GPC5: variants seen among roughly 807,000 people sequenced by gnomAD.
The protein encoded by GPC5 is glypican-5.
A neutral mutation model predicts 53.9 loss-of-function variants in GPC5; 47 were observed. That is an observed-to-expected ratio of 0.87 (90% confidence interval 0.69 to 1.11). The LOEUF (loss-of-function observed/expected upper bound fraction) is 1.11. GPC5 is among the 50% of genes most tolerant of loss of function. The pLI is 0.00. For synonymous variants in GPC5, 286 were observed against 263.3 expected, an observed-to-expected ratio of 1.09 and a Z score of -0.84; for missense variants, 748 against 713.1, an observed-to-expected ratio of 1.05 and a Z score of -0.56.
intron 5 of GPC5, among the ~76,000 whole-genome samples, chr13:91,845,743 C>T: frequency 6.6e-6 from 1 of 152,160 alleles, no homozygotes; most frequent in East Asian, 1.9e-4. Flanking sequence ...GTCTGAGTGC[C>T]TTTCCTGTAT....
chr13:91,503,072 G>A (rs73602379), intron 2 of GPC5, among the ~76,000 whole-genome samples: 1,901 of 152,062 alleles, frequency 0.013, 39 homozygotes, highest in African/African-American at 0.04. Flanking sequence ...TAAAAGTGGA[G>A]ATAACTTAGA....
chr13:92,262,305 G>A (rs764320426), intron 7 of GPC5, among the ~76,000 whole-genome samples: 2 of 152,126 alleles, frequency 1.3e-5, no homozygotes, highest in Non-Finnish European at 2.9e-5. Flanking sequence ...CAGGGCATTC[G>A]TGTTTTACTT....
chr13:91,616,208 T>C (rs1444312488), intron 2 of GPC5, among the ~76,000 whole-genome samples: 1 of 152,166 alleles, frequency 6.6e-6, no homozygotes, highest in African/African-American at 2.4e-5. Flanking sequence ...TCTTGTTTCA[T>C]TATGGAGCTG....
At chr13:92,366,788 A>G (rs1441317758) in intron 7 of GPC5, among the ~76,000 whole-genome samples, 2 of 152,166 alleles carry the variant, frequency 1.3e-5, no homozygotes, top group Non-Finnish European at 2.9e-5. Context: ...CACAAATTTC[A>G]TTTTTTGATT....
intron 6 of GPC5, among the ~76,000 whole-genome samples, chr13:92,021,628 C>A (rs2040759362): frequency 1.3e-5 from 2 of 152,188 alleles, no homozygotes; most frequent in Non-Finnish European, 2.9e-5. Context: ...ATTAAGTGTT[C>A]TTTCCAAAAT....
chr13:91,511,429 T>C (rs1885223985), intron 2 of GPC5, among the ~76,000 whole-genome samples: 1 of 152,136 alleles, frequency 6.6e-6, no homozygotes, highest in Non-Finnish European at 1.5e-5. Flanking sequence ...GTTTGGAAAA[T>C]TCTCATTCTT....
At chr13:92,112,296 G>GA (rs1300977603) in intron 6 of GPC5, among the ~76,000 whole-genome samples, 1 of 151,906 alleles carries the variant, frequency 6.6e-6, no homozygotes, top group Non-Finnish European at 1.5e-5. Flanking sequence ...CAGAACATAT[G>GA]AAAAAATAAA....
chr13:91,807,617 T>C (rs528166068), intron 5 of GPC5, among the ~76,000 whole-genome samples: 1 of 152,280 alleles, frequency 6.6e-6, no homozygotes, highest in Non-Finnish European at 1.5e-5. Context: ...TATTGTAAAT[T>C]TGGTAGACTT....
chr13:91,546,666 C>G (rs747359249), intron 2 of GPC5, among the ~76,000 whole-genome samples: 1 of 151,968 alleles, frequency 6.6e-6, no homozygotes, highest in Admixed American at 6.6e-5. Context: ...AAGTCAGTTT[C>G]TCTGGAGCAA....
chr13:91,770,561 G>A (rs1046711005), intron 5 of GPC5, among the ~76,000 whole-genome samples: 2 of 152,122 alleles, frequency 1.3e-5, no homozygotes, highest in African/African-American at 4.8e-5. Flanking sequence ...TGTGTTAGAT[G>A]CTTGCTCCTA....
At chr13:91,503,812 A>AT (rs1884791125) in intron 2 of GPC5, among the ~76,000 whole-genome samples, 1 of 147,434 alleles carries the variant, frequency 6.8e-6, no homozygotes, top group African/African-American at 2.5e-5. Flanking sequence ...AATAATAATA[A>AT]TAATAATCAG....
intron 7 of GPC5, among the ~76,000 whole-genome samples, chr13:92,434,039 A>G (rs1292590431): frequency 6.6e-6 from 1 of 152,226 alleles, no homozygotes; most frequent in Non-Finnish European, 1.5e-5. Flanking sequence ...ATGATTTAAG[A>G]AATGAGTACA....
intron 6 of GPC5, among the ~76,000 whole-genome samples, chr13:92,077,645 G>T (rs1349115892): frequency 6.6e-6 from 1 of 152,176 alleles, no homozygotes; most frequent in Non-Finnish European, 1.5e-5. Flanking sequence ...GATCTGCAAT[G>T]ATCAAGTGGC....
intron 2 of GPC5, among the ~76,000 whole-genome samples, chr13:91,659,133 A>C (rs967860213): frequency 6.6e-6 from 1 of 152,200 alleles, no homozygotes; most frequent in African/African-American, 2.4e-5. Flanking sequence ...TCAATCACAA[A>C]AATTAAATAT....
intron 7 of GPC5, among the ~76,000 whole-genome samples, chr13:92,431,437 A>G (rs968053213): frequency 6.7e-6 from 1 of 148,950 alleles, no homozygotes; most frequent in Non-Finnish European, 1.5e-5. Flanking sequence ...GTCTCTGTGA[A>G]GAGGTAAGAT....
chr13:92,753,080 A>C (rs1874662228), intron 7 of GPC5, among the ~76,000 whole-genome samples: 2 of 152,228 alleles, frequency 1.3e-5, no homozygotes, highest in Non-Finnish European at 2.9e-5. Flanking sequence ...CTGCAGACTT[A>C]AATGTCCCTC....
At chr13:91,824,468 C>G (rs1451287645) in intron 5 of GPC5, among the ~76,000 whole-genome samples, 1 of 151,998 alleles carries the variant, frequency 6.6e-6, no homozygotes, top group African/African-American at 2.4e-5. Context: ...TGCAACATGG[C>G]AAAGTGAAAT....
At chr13:92,249,661 T>G (rs9584005) in intron 7 of GPC5, among the ~76,000 whole-genome samples, 84,933 of 151,788 alleles carry the variant, frequency 0.56, 24,053 homozygotes, top group South Asian at 0.65. Flanking sequence ...GATGGCATGC[T>G]CAATGGTTTA....
intron 7 of GPC5, chr13:92,447,355 G>T (rs912353963): frequency 3.9e-5 from 6 of 152,028 alleles, no homozygotes; most frequent in Non-Finnish European, 8.8e-5. Context: ...TTTTAGATGA[G>T]ATGCAAGATA....
Sources: gnomAD v4.1 joint callset for allele counts (sites outside exome capture counted in the v4.1 genomes callset) on GRCh38, gnomAD v4.1.1 for gene constraint, MANE v1.5 for transcripts, NCBI Gene and HGNC (gene_info 2026-07-23, HGNC 2026-07-21) for gene names.